Variants in OCSTAMP observed in about 807,000 individuals in gnomAD.
The protein encoded by OCSTAMP is osteoclast stimulatory transmembrane protein, also known as transmembrane protein C20orf123.
In OCSTAMP, 17 loss-of-function variants were observed where a neutral mutation model predicts 25.2. The ratio of observed to expected loss-of-function variants is 0.68; its 90% CI spans 0.46 to 1.01. The LOEUF (loss-of-function observed/expected upper bound fraction) is 1.01. Among genes scored for constraint, OCSTAMP ranks in the 50% least tolerant of loss-of-function variants. OCSTAMP has a pLI of 0.00. For missense variants in OCSTAMP, 664 were observed against 694.6 expected, an observed-to-expected ratio of 0.96 and a Z score of 0.50; for synonymous variants, 345 against 318.9, an observed-to-expected ratio of 1.08 and a Z score of -0.87.
In OCSTAMP at chr20:46,545,535, G is replaced by A; in HGVS notation, c.839C>T (p.Pro280Leu). ...CTGAGCCGCCTGGAGCAGCCAGGTG[G>A]GTGGAGGGGCCAGGAGGTGTGTAGC... ...AQATHLLAPP[P>L]TWLLQAAQLR... The change falls in exon 2 of 3, where the codon CCC becomes CTC. Residue 280 changes from proline to leucine, a missense_variant. Pro to Leu is a moderately conservative substitution (Grantham distance 98). Coordinates refer to ENST00000279028, the MANE Select transcript of OCSTAMP (RefSeq NM_080721.3). The A allele has an allele frequency of 6.4e-7, 1 of 1,551,512 alleles. No homozygotes were observed. The highest frequency in any genetic ancestry group is 8.7e-7 in the Non-Finnish European group (1 of 1,146,878).
Position 46,545,932 on chromosome 20 carries a change from C to T in OCSTAMP, c.442G>A (p.Val148Met). ...VLANVGAAGQ[V>M]LRCVTEGSLE... is the part of the protein sequence containing the mutation. Reference sequence around the variant, plus strand: ...GAGCCCTCGGTGACACACCTCAGCACCTGCCCGGCCGCACCCACGTTGGCC... The same window carrying T: ...GAGCCCTCGGTGACACACCTCAGCATCTGCCCGGCCGCACCCACGTTGGCC... Residue 148 changes from valine (V) to methionine (M), a missense_variant, in exon 2 of 3, where the codon GTG (valine) becomes ATG (methionine). Coordinates refer to ENST00000279028, the MANE Select transcript of OCSTAMP (RefSeq NM_080721.3). The T allele has an allele frequency of 6.4e-7, 1 of 1,551,398 alleles. No homozygotes were observed. The highest frequency in any genetic ancestry group is 8.7e-7 in the Non-Finnish European group (1 of 1,146,996).
At chr20:46,548,805 C>T (rs2061861171) in intron 1 of OCSTAMP, among the ~76,000 whole-genome samples, 1 of 152,216 alleles carries the variant, frequency 6.6e-6, no homozygotes, top group Non-Finnish European at 1.5e-5. Context: ...CCAAGTACCT[C>T]TGATCCCCTG....
rs767944918 is a variant in OCSTAMP, at chr20:46,545,642, G to A, written c.732C>T (p.Tyr244=). ...MLGLLVESAW[Y]LHCYLTDLRF... The stretch of plus-strand genomic sequence containing the variant: ...GCAGGTCTGTCAGGTAGCAATGGAG[G>A]TACCATGCCGACTCCACCAGGAGGC... Residue 244 remains tyrosine, a synonymous_variant, in exon 2 of 3, where the codon TAC becomes TAT. Coordinates refer to ENST00000279028, the MANE Select transcript of OCSTAMP (RefSeq NM_080721.3). The A allele has an allele frequency of 1.9e-6, 3 of 1,551,696 alleles. No homozygotes were observed. In the South Asian group the frequency reaches 3.6e-5, roughly 18 times the overall value.
Position 46,541,634 on chromosome 20 carries a change from G to A in OCSTAMP, c.1341C>T (p.Ala447=), listed in dbSNP as rs2061834600. 1.3e-6 allele frequency: 2 copies of A among 1,551,206 alleles called. No individual in the cohort carries two copies. Among genetic ancestry groups the A allele is most frequent in the Admixed American group, 2.0e-5 (1 of 50,996 alleles). The change falls in exon 3 of 3, where the codon GCC becomes GCT. Residue 447 remains alanine (A), a synonymous_variant. Coordinates refer to ENST00000279028, the MANE Select transcript of OCSTAMP (RefSeq NM_080721.3). ...QEARRVRHLH[A]RLQRRHDRHQ... is the part of the protein sequence containing the mutation. ...GCCTGTCGTGTCTTCGCTGGAGCCG[G>A]GCGTGCAGGTGGCGGACCCTCCTCG... is the stretch of plus-strand genomic sequence containing the variant.
At chr20:46,544,478 T>C (rs2146053072) in intron 2 of OCSTAMP, among the ~76,000 whole-genome samples, 1 of 152,348 alleles carries the variant, frequency 6.6e-6, no homozygotes, top group Admixed American at 6.5e-5. Context: ...GTTAATATTA[T>C]TAGCTCGAAG....
intron 2 of OCSTAMP, among the ~76,000 whole-genome samples, chr20:46,544,036 C>A (rs1473672952): frequency 6.6e-6 from 1 of 152,082 alleles, no homozygotes; most frequent in Non-Finnish European, 1.5e-5. Context: ...TAGTGGGACA[C>A]CATCTCTAAA....
At chr20:46,550,235 C>A (rs1426158213) in intron 1 of OCSTAMP, among the ~76,000 whole-genome samples, 1 of 152,174 alleles carries the variant, frequency 6.6e-6, no homozygotes, top group Non-Finnish European at 1.5e-5. Flanking sequence ...TTGAAAATGG[C>A]AAGGAAACTA....
intron 1 of OCSTAMP, among the ~76,000 whole-genome samples, chr20:46,550,039 C>T (rs1378369144): frequency 6.6e-6 from 1 of 152,160 alleles, no homozygotes; most frequent in Non-Finnish European, 1.5e-5. Context: ...CCCAGGTGGC[C>T]TTCCACAGGT....
rs1032679598 is a variant in OCSTAMP at position 46,541,570 on chromosome 20, C to T, written c.1405G>A (p.Val469Ile). The change falls in exon 3 of 3, where the codon GTC (valine) becomes ATC (isoleucine). Residue 469 changes from valine (V) to isoleucine (I), a missense_variant. Val to Ile is a conservative substitution (Grantham distance 29, BLOSUM62 3). Coordinates refer to ENST00000279028, the MANE Select transcript of OCSTAMP (RefSeq NM_080721.3). Reference sequence around the variant, plus strand: ...TTGCAGGCAGGTCTGGGTGTGGGGACGCAAGAAGGATCCCCTAGGGGCAGC... The same window carrying T: ...TTGCAGGCAGGTCTGGGTGTGGGGATGCAAGAAGGATCCCCTAGGGGCAGC... ...QQLPLGDPSC[V>I]PTPRPACKPP... 12 of 1,551,680 alleles carry T rather than the reference C, an allele frequency of 7.7e-6. No homozygotes were observed. In the Admixed American group the frequency reaches 1.2e-4, roughly 15 times the overall value.
In OCSTAMP at chr20:46,545,703, C is replaced by G. The variant is rs1218261946; in HGVS notation, c.671G>C (p.Gly224Ala). 16 of 1,551,636 alleles carry G rather than the reference C, an allele frequency of 1.0e-5. No individual in the cohort carries two copies. Among genetic ancestry groups the G allele is most frequent in the Non-Finnish European group, 1.4e-5 (16 of 1,146,974 alleles). ...CAGCCCTGTGACCACTCGCTGGGTCCCTAGCGCTGCTGCCCGGGCCAGGGA... is the reference window on the plus strand; with the variant it reads ...CAGCCCTGTGACCACTCGCTGGGTCGCTAGCGCTGCTGCCCGGGCCAGGGA... ...LESLARAAALGTQRVVTGLFM... is the reference protein window; with the variant it reads ...LESLARAAALATQRVVTGLFM... Residue 224 changes from glycine to alanine, a missense_variant, in exon 2 of 3, where the codon GGG (glycine) becomes GCG (alanine). Physicochemically the swap from Gly to Ala is moderately conservative, Grantham distance 60 (BLOSUM62 0). Coordinates refer to ENST00000279028, the MANE Select transcript of OCSTAMP (RefSeq NM_080721.3).
chr20:46,542,052 C>T lies in OCSTAMP; in HGVS notation c.1048-125G>A, dbSNP rs114176061. 1,762 of 1,325,854 alleles carry T rather than the reference C, an allele frequency of 1.3e-3. 17 individuals carry two copies. The African/African-American group carries it at 0.024, about 18-fold the overall frequency. The allele number at this position is 1,325,854 out of a possible 1,614,324, so 82.1% of individuals were successfully genotyped here. A position where few individuals can be genotyped will look rare whatever the true frequency, so the allele number is the denominator to read the frequency against. On this transcript the variant is annotated intron_variant, in intron 2 of 2. Coordinates refer to ENST00000279028, the MANE Select transcript of OCSTAMP (RefSeq NM_080721.3). Reference sequence around the variant, plus strand: ...AATGGTTACAGAAATAACCCGTTTCCCAGGGTTTGAGGAGGACCCAATGAG... The same window carrying T: ...AATGGTTACAGAAATAACCCGTTTCTCAGGGTTTGAGGAGGACCCAATGAG...
rs79479325 is a variant in OCSTAMP at position 46,543,818 on chromosome 20, A to G, written c.1047+1509T>C. 4.3e-4 allele frequency among the ~76,000 whole-genome samples: 65 copies of G among 152,310 alleles called. 1 individual carries two copies. The East Asian group carries it at 0.012, about 28-fold the overall frequency. The stretch of plus-strand genomic sequence containing the variant: ...ACATAAAGTAATGGTGTGACTTGCA[A>G]TTGATGACTATCTGAGATTTGGTGA... On this transcript the variant is annotated intron_variant, in intron 2 of 2. Transcript: ENST00000279028.
chr20:46,550,070 G>A (rs756432875), intron 1 of OCSTAMP, among the ~76,000 whole-genome samples: 9 of 152,100 alleles, frequency 5.9e-5, no homozygotes, highest in Non-Finnish European at 1.2e-4. Context: ...CCCAGCTCCC[G>A]AAGGCATTTG....
chr20:46,548,013 A>G (rs1266799964), intron 1 of OCSTAMP, among the ~76,000 whole-genome samples: 2 of 152,188 alleles, frequency 1.3e-5, no homozygotes, highest in African/African-American at 2.4e-5. Context: ...CCTTAATAGC[A>G]GGTGGGAAAG....
chr20:46,542,452 G>A (rs1282450893), intron 2 of OCSTAMP, among the ~76,000 whole-genome samples: 1 of 151,724 alleles, frequency 6.6e-6, no homozygotes, highest in Admixed American at 6.6e-5. Flanking sequence ...GTGTTGGCAC[G>A]TGCCTGTAAT....
Position 46,545,462 on chromosome 20 carries a change from C to A in OCSTAMP, c.912G>T (p.Gly304=), listed in dbSNP as rs1271996857. Residue 304 remains glycine, a synonymous_variant, in exon 2 of 3, where the codon GGG becomes GGT. Transcript: ENST00000279028. The part of the protein sequence containing the change: ...EELLSCLLRL[G]LLALLLVATA... The stretch of plus-strand genomic sequence containing the variant: ...TGGCCACGAGGAGCAGGGCAAGCAG[C>A]CCCAGCCTTAGAAGACAACTCAACA... 6.4e-7 allele frequency: 1 copy of A among 1,551,438 alleles called. No homozygotes were observed. Among genetic ancestry groups the A allele is most frequent in the Non-Finnish European group, 8.7e-7 (1 of 1,146,934 alleles).
chr20:46,550,545 C>CT lies in OCSTAMP; in HGVS notation c.15dup (p.Gly6ArgfsTer4). 6.4e-7 allele frequency: 1 copy of CT among 1,551,732 alleles called. No individual in the cohort carries two copies. The highest frequency in any genetic ancestry group is 8.7e-7 in the Non-Finnish European group (1 of 1,146,986). ...GTCTTGACAAGTTGCTCAGCTGCTC[C>CT]TGGGTGGCCTGGCATGCTGTCCAAA... On this transcript the variant is annotated frameshift_variant, in exon 1 of 3. Coordinates refer to ENST00000279028, the MANE Select transcript of OCSTAMP (RefSeq NM_080721.3). LOFTEE classifies it high-confidence loss of function.
Position 46,546,224 on chromosome 20 carries a change from G to C in OCSTAMP, c.150C>G (p.Thr50=), listed in dbSNP as rs766554332. Residue 50 remains threonine (T), a synonymous_variant, in exon 2 of 3, where the codon ACC becomes ACG. Coordinates refer to ENST00000279028, the MANE Select transcript of OCSTAMP (RefSeq NM_080721.3). ...CCAGGGAGGCACACAGGAGGAGCTGGGTCAGCAGCTGGCCACAGCTGGCTG... is the reference window on the plus strand; with the variant it reads ...CCAGGGAGGCACACAGGAGGAGCTGCGTCAGCAGCTGGCCACAGCTGGCTG... ...PVPASCGQLL[T]QLLLCASLAA... is the part of the protein sequence containing the mutation. 6 of 1,551,500 alleles carry C rather than the reference G, an allele frequency of 3.9e-6. No homozygotes were observed. Among genetic ancestry groups the C allele is most frequent in the Non-Finnish European group, 5.2e-6 (6 of 1,147,018 alleles).
chr20:46,545,184 G>T, intron 2 of OCSTAMP, 143 bp downstream of exon 2: 1 of 688,918 alleles, frequency 1.5e-6, no homozygotes, highest in Non-Finnish European at 2.3e-6. Flanking sequence ...GAGTCCCTCT[G>T]CCCATGGTAT....
Sources: gnomAD v4.1 joint callset for allele counts (sites outside exome capture counted in the v4.1 genomes callset) on GRCh38, gnomAD v4.1.1 for gene constraint, MANE v1.5 for transcripts, NCBI Gene and HGNC (gene_info 2026-07-23, HGNC 2026-07-21) for gene names.